Variants in CSMD1 observed in about 807,000 individuals in gnomAD.
The protein encoded by CSMD1 is CUB and sushi domain-containing protein 1.
In CSMD1, 213 loss-of-function variants were observed where a neutral mutation model predicts 417.5. The observed-to-expected ratio is 0.51, with a 90% CI of 0.46 to 0.57. The LOEUF is 0.57. Ranked by LOEUF, CSMD1 falls within the 20% of genes least tolerant of loss-of-function variation. The pLI is 0.00. For synonymous variants in CSMD1, 2,862 were observed against 1,736.8 expected, an observed-to-expected ratio of 1.65 and a Z score of -16.11; for missense variants, 6,923 against 4,529.7, an observed-to-expected ratio of 1.53 and a Z score of -15.17.
intron 26 of CSMD1, among the ~76,000 whole-genome samples, chr8:3,282,131 C>T (rs573399834): frequency 1.3e-5 from 2 of 152,136 alleles, no homozygotes; most frequent in Non-Finnish European, 2.9e-5. Context: ...TCAGATAGTT[C>T]TTTACAGCAA....
intron 27 of CSMD1, among the ~76,000 whole-genome samples, chr8:3,226,930 G>C (rs1401831240): frequency 6.6e-6 from 1 of 150,966 alleles, no homozygotes; most frequent in African/African-American, 2.5e-5. Flanking sequence ...CAGCCAATAA[G>C]CATATGAAAA....
intron 3 of CSMD1, among the ~76,000 whole-genome samples, chr8:4,212,176 A>T (rs932915748): frequency 2.4e-4 from 27 of 110,278 alleles, no homozygotes; most frequent in South Asian, 1.3e-3. Context: ...TTCCCTATTT[A>T]TATATATATA....
chr8:3,118,090 G>A (rs1056770635), intron 42 of CSMD1, among the ~76,000 whole-genome samples: 3 of 152,126 alleles, frequency 2.0e-5, no homozygotes, highest in Admixed American at 6.5e-5. Flanking sequence ...CTGACTTCGC[G>A]GAGATTTCCC....
chr8:3,727,222 C>T (rs1458631104), intron 6 of CSMD1, among the ~76,000 whole-genome samples: 2 of 152,150 alleles, frequency 1.3e-5, no homozygotes, highest in East Asian at 1.9e-4. Flanking sequence ...TTCAAAGTTG[C>T]GTTTGACAAT....
At chr8:4,917,751 C>G (rs1806168619) in intron 1 of CSMD1, among the ~76,000 whole-genome samples, 2 of 152,272 alleles carry the variant, frequency 1.3e-5, no homozygotes, top group African/African-American at 4.8e-5. Flanking sequence ...AACAAGGATG[C>G]CAAGTTCACA....
At chr8:4,117,372 A>G (rs1241266672) in intron 3 of CSMD1, among the ~76,000 whole-genome samples, 1 of 151,098 alleles carries the variant, frequency 6.6e-6, no homozygotes, top group Non-Finnish European at 1.5e-5. Flanking sequence ...TAACACCGGG[A>G]CACCAGGCAA....
At chr8:3,609,837 G>C (rs1334857520) in intron 8 of CSMD1, among the ~76,000 whole-genome samples, 335 of 5,190 alleles carry the variant, frequency 0.065, 5 homozygotes, top group African/African-American at 0.14. Flanking sequence ...TTTTTTTTTT[G>C]AGACAGAGTC....
chr8:3,637,679 T>A (rs545407172), intron 7 of CSMD1, among the ~76,000 whole-genome samples: 1 of 152,330 alleles, frequency 6.6e-6, no homozygotes, highest in East Asian at 1.9e-4. Flanking sequence ...TGAAACAGGA[T>A]GACAACTGAA....
chr8:4,281,744 C>G (rs944408763), intron 3 of CSMD1, among the ~76,000 whole-genome samples: 1 of 152,114 alleles, frequency 6.6e-6, no homozygotes, highest in Non-Finnish European at 1.5e-5. Context: ...TGTAATGTCT[C>G]TACTTGTTTT....
At chr8:4,869,291 T>C (rs577906079) in intron 1 of CSMD1, among the ~76,000 whole-genome samples, 1 of 152,052 alleles carries the variant, frequency 6.6e-6, no homozygotes, top group African/African-American at 2.4e-5. Flanking sequence ...CCATCCTGTT[T>C]TATCATTTGA....
At chr8:4,198,786 G>A (rs772076749) in intron 3 of CSMD1, among the ~76,000 whole-genome samples, 6 of 151,864 alleles carry the variant, frequency 4.0e-5, no homozygotes, top group South Asian at 2.1e-4. Context: ...AGAGTTCATC[G>A]ACTTTACTAG....
At chr8:3,372,732 G>C (rs144968535) in intron 18 of CSMD1, among the ~76,000 whole-genome samples, 1 of 152,132 alleles carries the variant, frequency 6.6e-6, no homozygotes, top group African/African-American at 2.4e-5. Flanking sequence ...CAAGTCTGCT[G>C]GGCTTGCCTG....
intron 1 of CSMD1, among the ~76,000 whole-genome samples, chr8:4,715,098 T>C (rs1458686448): frequency 3.9e-5 from 6 of 152,210 alleles, no homozygotes; most frequent in African/African-American, 1.2e-4. Flanking sequence ...TCCAGTCCTC[T>C]CATCACTTAT....
chr8:3,962,379 CG>C (rs1812389251), intron 5 of CSMD1, among the ~76,000 whole-genome samples: 1 of 152,148 alleles, frequency 6.6e-6, no homozygotes, highest in Non-Finnish European at 1.5e-5. Context: ...TCAGGCAGCA[CG>C]GGCGTTGTCA....
chr8:3,359,479 T>A, intron 20 of CSMD1, 139 bp from the exon 21 acceptor site: 1 of 626,344 alleles, frequency 1.6e-6, no homozygotes, highest in South Asian at 2.6e-5. Context: ...CTTATAACTG[T>A]TACGTGCATT....
chr8:4,175,847 A>C (rs1240177089), intron 3 of CSMD1, among the ~76,000 whole-genome samples: 1 of 152,180 alleles, frequency 6.6e-6, no homozygotes, highest in African/African-American at 2.4e-5. Context: ...AACTGGAAAG[A>C]AATAACCAAA....
At chr8:4,311,725 A>AAAAAT (rs1379621768) in intron 3 of CSMD1, among the ~76,000 whole-genome samples, 1 of 125,546 alleles carries the variant, frequency 8.0e-6, no homozygotes, top group African/African-American at 4.9e-5. Context: ...TCAGTCTCAA[A>AAAAAT]AAAAAAAAAA....
intron 5 of CSMD1, among the ~76,000 whole-genome samples, chr8:3,889,941 G>A (rs1317657074): frequency 1.3e-5 from 2 of 152,140 alleles, no homozygotes; most frequent in African/African-American, 2.4e-5. Context: ...TCAGACGGTT[G>A]GATGGCTGAG....
intron 3 of CSMD1, among the ~76,000 whole-genome samples, chr8:4,041,193 A>ATT (rs745871842): frequency 2.1e-4 from 32 of 151,076 alleles, no homozygotes; most frequent in Non-Finnish European, 3.2e-4. Context: ...ATTTTTTTGT[A>ATT]TTTTTGGTAG....
Sources: gnomAD v4.1 joint callset for allele counts (sites outside exome capture counted in the v4.1 genomes callset) on GRCh38, gnomAD v4.1.1 for gene constraint, MANE v1.5 for transcripts, NCBI Gene and HGNC (gene_info 2026-07-23, HGNC 2026-07-21) for gene names.